The following SPTBN1 variants were observed in gnomAD, a reference collection of about 807,000 sequenced individuals.
SPTBN1 encodes the protein spectrin beta, non-erythrocytic 1.
A neutral mutation model predicts 266.4 loss-of-function variants in SPTBN1; 32 were observed. That is an observed-to-expected ratio of 0.12 (90% CI 0.09 to 0.16). The LOEUF is 0.16. SPTBN1 is among the 10% of genes least tolerant of loss of function. The pLI, the probability that SPTBN1 is intolerant of heterozygous loss-of-function variation, is 1.00. For synonymous variants in SPTBN1, 1,336 were observed against 1,162.2 expected, an observed-to-expected ratio of 1.15 and a Z score of -3.04; for missense variants, 2,296 against 3,067.1, an observed-to-expected ratio of 0.75 and a Z score of 5.94.
At chr2:54,548,068 A>G (rs1022784660) in intron 2 of SPTBN1, among the ~76,000 whole-genome samples, 14 of 152,176 alleles carry the variant, frequency 9.2e-5, no homozygotes, top group Non-Finnish European at 4.4e-5. Context: ...GCATGAACCC[A>G]GGAGGTGGAG....
chr2:54,554,237 A>G lies in SPTBN1; in HGVS notation c.148+27671A>G, dbSNP rs1672736566. Among the ~76,000 whole-genome samples, 2 of 152,204 alleles carry G rather than the reference A, an allele frequency of 1.3e-5. No homozygotes were observed. The highest frequency in any genetic ancestry group is 3.8e-4 in the East Asian group (2 of 5,202). On this transcript the variant is annotated intron_variant, in intron 2 of 35. Coordinates refer to ENST00000356805, the MANE Select transcript of SPTBN1 (RefSeq NM_003128.3). The surrounding 1 kb of genome is among the most constrained non-coding windows in gnomAD (Gnocchi z 4.5). ...TCTGAGCATATGGGAGAAACAGCAG[A>G]GGTGGGGAGATGGGGAGCACGCTGA...
At chr2:54,606,714 A>T (rs1489829409) in intron 3 of SPTBN1, among the ~76,000 whole-genome samples, 1 of 152,246 alleles carries the variant, frequency 6.6e-6, no homozygotes, top group African/African-American at 2.4e-5. Context: ...TGAGAGCCAT[A>T]TGCAGTTCTG....
chr2:54,556,645 AT>A (rs1369552436), intron 2 of SPTBN1, among the ~76,000 whole-genome samples: 1 of 60,930 alleles, frequency 1.6e-5, no homozygotes. Flanking sequence ...ACGGTTCCCA[AT>A]TCAACTTCTC....
intron 2 of SPTBN1, among the ~76,000 whole-genome samples, chr2:54,563,488 A>G (rs1166954539): frequency 6.6e-6 from 1 of 151,298 alleles, no homozygotes; most frequent in Non-Finnish European, 1.5e-5. Context: ...CAAGTTTATT[A>G]CGTATTGAGA....
chr2:54,639,522 A>G (rs1450632816), intron 18 of SPTBN1, among the ~76,000 whole-genome samples: 1 of 152,248 alleles, frequency 6.6e-6, no homozygotes, highest in Non-Finnish European at 1.5e-5. Flanking sequence ...GGGAGTGAGC[A>G]ATGAGTGGCC....
chr2:54,457,153 G>GCCCA (rs1693089971), intron 1 of SPTBN1: 1 of 49,690 alleles, frequency 2.0e-5, no homozygotes, highest in South Asian at 9.6e-4. Context: ...TCGTGCGCCC[G>GCCCA]CCCCCCCCCC....
At chr2:54,506,501 A>C (rs1669564000) in intron 1 of SPTBN1, among the ~76,000 whole-genome samples, 1 of 151,820 alleles carries the variant, frequency 6.6e-6, no homozygotes, top group Non-Finnish European at 1.5e-5. Flanking sequence ...AAAATTTACC[A>C]CTTGATGAAC....
At chr2:54,529,362 A>C (rs747877109) in intron 2 of SPTBN1, 7 of 626,878 alleles carry the variant, frequency 1.1e-5, no homozygotes, top group Non-Finnish European at 1.8e-5. Flanking sequence ...CCGAAAGTGA[A>C]GAAGGAAGCT....
chr2:54,492,338 GTTGTTTTTTT>G (rs767171323), intron 1 of SPTBN1, among the ~76,000 whole-genome samples: 17 of 118,088 alleles, frequency 1.4e-4, no homozygotes, highest in East Asian at 2.5e-4. Flanking sequence ...TTTGTCTGCA[GTTGTTTTTTT>G]GTTTTTTTTT....
intron 2 of SPTBN1, among the ~76,000 whole-genome samples, chr2:54,553,358 G>A (rs1019783421): frequency 3.3e-5 from 5 of 152,216 alleles, no homozygotes; most frequent in African/African-American, 1.2e-4. Context: ...GTGGGCCAGA[G>A]AGGTAAGACA....
intron 32 of SPTBN1, chr2:54,662,040 A>C (rs1349021092): frequency 3.0e-6 from 3 of 985,358 alleles, no homozygotes; most frequent in Non-Finnish European, 3.6e-6. Flanking sequence ...TTTGAATACC[A>C]ATCAGGTGTT....
At chr2:54,567,114 C>T (rs902558949) in intron 2 of SPTBN1, among the ~76,000 whole-genome samples, 1 of 152,124 alleles carries the variant, frequency 6.6e-6, no homozygotes, top group Admixed American at 6.5e-5. Flanking sequence ...CTGGCTAAGC[C>T]AACTGATTAA....
At chr2:54,544,126 T>C (rs1345347980) in intron 2 of SPTBN1, among the ~76,000 whole-genome samples, 1 of 152,200 alleles carries the variant, frequency 6.6e-6, no homozygotes. Flanking sequence ...TGGAAAGCAT[T>C]ATATCCCGTG....
At position 54,540,873 on chromosome 2, in the gene SPTBN1, T is replaced by A. The variant is rs1671894571; in HGVS notation, c.148+14307T>A. Among the ~76,000 whole-genome samples, 2 of 152,190 alleles carry A rather than the reference T, an allele frequency of 1.3e-5. No individual in the cohort carries two copies. Among genetic ancestry groups the A allele is most frequent in the Admixed American group, 1.3e-4 (2 of 15,278 alleles). On this transcript the variant is annotated intron_variant, in intron 2 of 35. Coordinates refer to ENST00000356805, the MANE Select transcript of SPTBN1 (RefSeq NM_003128.3). The surrounding 1 kb of genome is among the most constrained non-coding windows in gnomAD (Gnocchi z 5.6). ...GAATGGAATGTTAAAATTGTAGTAG[T>A]TTATACGTAGATTACCTCTATTTTG...
chr2:54,657,797 G>T, intron 29 of SPTBN1, 53 bp from the exon 30 acceptor site: 2 of 1,610,250 alleles, frequency 1.2e-6, no homozygotes, highest in South Asian at 1.1e-5. Flanking sequence ...AAGGCCATAT[G>T]ACTGCCCGGC....
At chr2:54,474,297 A>T (rs1667690866) in intron 1 of SPTBN1, among the ~76,000 whole-genome samples, 1 of 152,204 alleles carries the variant, frequency 6.6e-6, no homozygotes, top group Non-Finnish European at 1.5e-5. Flanking sequence ...TGATAACCTA[A>T]AAGTCCATCA....
rs753138414 is a variant in SPTBN1, at chr2:54,643,149, G to A, written c.4005+20G>A. 9.3e-6 allele frequency: 15 copies of A among 1,613,278 alleles called. No individual in the cohort carries two copies. The highest frequency in any genetic ancestry group is 1.3e-5 in the African/African-American group (1 of 74,996). On this transcript the variant is annotated intron_variant, in intron 19 of 35. Transcript: ENST00000356805. ...GAGAAGGTGAGTTAAAACATTTGAT[G>A]TGGCCATGGTGAGAAAACAAACAGG...
intron 1 of SPTBN1, among the ~76,000 whole-genome samples, chr2:54,480,776 T>C (rs993847628): frequency 1.1e-4 from 16 of 152,224 alleles, no homozygotes; most frequent in Non-Finnish European, 1.8e-4. Context: ...AGCAGGGATT[T>C]ACATTTGCTC....
chr2:54,473,794 A>T (rs561446660), intron 1 of SPTBN1, among the ~76,000 whole-genome samples: 1 of 152,360 alleles, frequency 6.6e-6, no homozygotes, highest in South Asian at 2.1e-4. Context: ...TATTGTCTGA[A>T]TTAGAAAAAC....
Sources: gnomAD v4.1 joint callset for allele counts (sites outside exome capture counted in the v4.1 genomes callset) on GRCh38, gnomAD v4.1.1 for gene constraint, Gnocchi (gnomAD v3.1) non-coding constraint, MANE v1.5 for transcripts, NCBI Gene and HGNC (gene_info 2026-07-23, HGNC 2026-07-21) for gene names.